The following NAALADL2 variants were observed in gnomAD, a reference collection of about 807,000 sequenced individuals.
NAALADL2 encodes the protein inactive N-acetylated-alpha-linked acidic dipeptidase-like protein 2.
A neutral mutation model predicts 87.2 loss-of-function variants in NAALADL2; 76 were observed. The observed-to-expected ratio is 0.87, with a 90% CI of 0.72 to 1.05. The LOEUF is 1.05. NAALADL2 is among the 50% of genes least tolerant of loss of function. The pLI is 0.00. For missense variants in NAALADL2, 1,089 were observed against 945.8 expected (o/e 1.15, Z -1.99); for synonymous variants, 354 against 331.0 (o/e 1.07, Z -0.75).
At chr3:175,540,821 T>C (rs1046949347) in intron 9 of NAALADL2, among the ~76,000 whole-genome samples, 5 of 152,138 alleles carry the variant, frequency 3.3e-5, no homozygotes, top group African/African-American at 9.7e-5. Flanking sequence ...GGGCGACTAC[T>C]GAAGGACTAA....
At chr3:175,706,539 A>G (rs977664400) in intron 11 of NAALADL2, among the ~76,000 whole-genome samples, 4 of 152,142 alleles carry the variant, frequency 2.6e-5, no homozygotes, top group Admixed American at 6.6e-5. Flanking sequence ...ACAGTTAACC[A>G]TGAGTAACAG....
At chr3:174,853,475 C>T (rs1034029712) in intron 3 of NAALADL2, among the ~76,000 whole-genome samples, 1 of 151,074 alleles carries the variant, frequency 6.6e-6, no homozygotes, top group African/African-American at 2.4e-5. Flanking sequence ...TGGGCCTGGG[C>T]AAAGTTTTCA....
chr3:174,483,719 G>T (rs1171754300), intron 1 of NAALADL2, among the ~76,000 whole-genome samples: 1 of 151,974 alleles, frequency 6.6e-6, no homozygotes, highest in Non-Finnish European at 1.5e-5. Context: ...GAATACTTAA[G>T]TTGGAATTTA....
intron 10 of NAALADL2, among the ~76,000 whole-genome samples, chr3:175,589,449 C>T (rs1721045746): frequency 6.6e-6 from 1 of 151,542 alleles, no homozygotes; most frequent in Non-Finnish European, 1.5e-5. Context: ...TCCTTTCTTC[C>T]TTCCTTTCTT....
intron 3 of NAALADL2, among the ~76,000 whole-genome samples, chr3:174,808,717 A>G (rs1029027510): frequency 1.3e-5 from 2 of 152,138 alleles, no homozygotes; most frequent in Non-Finnish European, 1.5e-5. Flanking sequence ...ATGGAAAATG[A>G]TGAAAAAACT....
chr3:175,052,566 T>C (rs1288773921), intron 1 of NAALADL2, among the ~76,000 whole-genome samples: 1 of 152,236 alleles, frequency 6.6e-6, no homozygotes, highest in Non-Finnish European at 1.5e-5. Flanking sequence ...CAAGTGTTTT[T>C]ATCCATTTTA....
chr3:175,121,487 T>G (rs996203357), intron 2 of NAALADL2, among the ~76,000 whole-genome samples: 1 of 151,828 alleles, frequency 6.6e-6, no homozygotes, highest in Non-Finnish European at 1.5e-5. Flanking sequence ...AACACTTTCA[T>G]TACTGGCTGT....
At chr3:175,116,748 A>G (rs1250789425) in intron 2 of NAALADL2, among the ~76,000 whole-genome samples, 1 of 151,338 alleles carries the variant, frequency 6.6e-6, no homozygotes, top group East Asian at 2.0e-4. Flanking sequence ...AACAACAACA[A>G]AAAAACCAAA....
chr3:174,642,128 G>C (rs1008374559), intron 2 of NAALADL2, among the ~76,000 whole-genome samples: 1 of 151,982 alleles, frequency 6.6e-6, no homozygotes, highest in African/African-American at 2.4e-5. Flanking sequence ...GACACACAAT[G>C]CTTTCTAAAG....
At chr3:175,128,353 T>A (rs1330011514) in intron 2 of NAALADL2, among the ~76,000 whole-genome samples, 1 of 152,230 alleles carries the variant, frequency 6.6e-6, no homozygotes, top group Non-Finnish European at 1.5e-5. Context: ...CATGGTTGTC[T>A]AATTTTTCAA....
chr3:175,342,450 C>T (rs2148842903), intron 5 of NAALADL2, among the ~76,000 whole-genome samples: 1 of 151,766 alleles, frequency 6.6e-6, no homozygotes, highest in South Asian at 2.1e-4. Flanking sequence ...TGATGACAAT[C>T]CTTGTTGTTT....
intron 5 of NAALADL2, among the ~76,000 whole-genome samples, chr3:175,355,018 A>ATG (rs1175936984): frequency 8.7e-5 from 9 of 103,888 alleles, no homozygotes; most frequent in African/African-American, 3.6e-4. Flanking sequence ...ATTGCTATAT[A>ATG]TATATGTGTG....
At chr3:175,601,177 A>G (rs1390999539) in intron 10 of NAALADL2, among the ~76,000 whole-genome samples, 2 of 152,168 alleles carry the variant, frequency 1.3e-5, no homozygotes, top group Non-Finnish European at 2.9e-5. Flanking sequence ...CCTGATGTTT[A>G]CTTTGAAGCA....
chr3:175,398,811 T>C (rs1381695836), intron 5 of NAALADL2, among the ~76,000 whole-genome samples: 1 of 152,072 alleles, frequency 6.6e-6, no homozygotes, highest in Non-Finnish European at 1.5e-5. Context: ...TTTATTATTG[T>C]ATGAATACAC....
chr3:174,590,259 A>G (rs1717214545), intron 2 of NAALADL2, among the ~76,000 whole-genome samples: 1 of 152,084 alleles, frequency 6.6e-6, no homozygotes, highest in Admixed American at 6.6e-5. Flanking sequence ...CTAAACATGA[A>G]AAAACTATGC....
intron 11 of NAALADL2, among the ~76,000 whole-genome samples, chr3:175,649,644 CAG>C (rs1196721599): frequency 6.6e-6 from 1 of 152,048 alleles, no homozygotes; most frequent in Non-Finnish European, 1.5e-5. Context: ...TGGATAGAGA[CAG>C]AGAGAGAGTC....
chr3:174,838,021 G>GAAAAA (rs77681462), intron 3 of NAALADL2, among the ~76,000 whole-genome samples: 3 of 71,998 alleles, frequency 4.2e-5, no homozygotes, highest in Non-Finnish European at 8.5e-5. Context: ...AACCAAAAAA[G>GAAAAA]AAAAAAAAAA....
At chr3:175,674,560 G>A (rs778695100) in intron 11 of NAALADL2, among the ~76,000 whole-genome samples, 29 of 152,022 alleles carry the variant, frequency 1.9e-4, no homozygotes, top group African/African-American at 4.6e-4. Flanking sequence ...CACCGTGCCC[G>A]GCGACAGTTT....
At chr3:174,816,223 T>C (rs1720783903) in intron 3 of NAALADL2, among the ~76,000 whole-genome samples, 1 of 151,750 alleles carries the variant, frequency 6.6e-6, no homozygotes, top group Non-Finnish European at 1.5e-5. Flanking sequence ...TTTTCCCCCT[T>C]CTCCTCCTCC....
Sources: allele counts gnomAD v4.1 joint callset (sites outside exome capture counted in the v4.1 genomes callset), GRCh38; gene constraint gnomAD v4.1.1; transcripts MANE v1.5; gene names NCBI Gene and HGNC (gene_info 2026-07-23, HGNC 2026-07-21).